Variants in ZNF782 observed in about 807,000 individuals in gnomAD.
The protein encoded by ZNF782 is zinc finger protein 782.
Under a neutral mutation model 13.0 loss-of-function variants are expected in ZNF782, and 12 were observed. That is an observed-to-expected ratio of 0.92 (90% CI 0.59 to 1.50). The LOEUF (loss-of-function observed/expected upper bound fraction) is 1.50, where lower values mean the gene tolerates loss of function less well. Ranked by LOEUF, ZNF782 falls within the 40% of genes most tolerant of loss-of-function variation. The pLI is 0.00. For missense variants in ZNF782, 770 were observed against 822.9 expected, an observed-to-expected ratio of 0.94 and a Z score of 0.79; for synonymous variants, 284 against 283.0, an observed-to-expected ratio of 1.00 and a Z score of -0.04.
At chr9:96,908,382 T>C in the ZNF782 span, among the ~76,000 whole-genome samples, 1 of 152,264 alleles carries the variant, frequency 6.6e-6, no homozygotes, top group African/African-American at 2.4e-5. Flanking sequence ...ACTCAGTAAA[T>C]TTTTGACAAA....
the ZNF782 span, chr9:96,890,631 T>G: frequency 6.6e-6 from 1 of 152,244 alleles, no homozygotes; most frequent in Admixed American, 6.5e-5. Flanking sequence ...CTAGATTATT[T>G]GCCACTAGAA....
chr9:96,884,735 C>T, the ZNF782 span, among the ~76,000 whole-genome samples: 1 of 152,128 alleles, frequency 6.6e-6, no homozygotes, highest in Admixed American at 6.5e-5. Flanking sequence ...GAGTCAGTGC[C>T]CCATTTTTAC....
intron 4 of ZNF782, among the ~76,000 whole-genome samples, chr9:96,843,117 A>G (rs1851237924): frequency 6.6e-6 from 1 of 152,140 alleles, no homozygotes; most frequent in Non-Finnish European, 1.5e-5. Flanking sequence ...ATGGTACAGC[A>G]ACTCTGGGAA....
At chr9:96,860,007 A>ACGT (rs1302787081) in intron 3 of ZNF782, among the ~76,000 whole-genome samples, 2 of 152,124 alleles carry the variant, frequency 1.3e-5, no homozygotes, top group East Asian at 1.9e-4. Context: ...GACTGTGATG[A>ACGT]CGTCGTAGGT....
At chr9:96,852,154 G>A in intron 2 of ZNF782, 149 bp from the exon 3 acceptor site, 3 of 597,028 alleles carry the variant, frequency 5.0e-6, no homozygotes, top group South Asian at 2.1e-5. Context: ...GAAGCACCAC[G>A]TAGAGGTGGC....
the ZNF782 span, chr9:96,892,291 G>A: frequency 6.6e-6 from 1 of 152,188 alleles, no homozygotes; most frequent in Non-Finnish European, 1.5e-5. Context: ...TGCATCAACA[G>A]ATGAATGGAT....
chr9:96,849,792 A>C lies in ZNF782; in HGVS notation c.15+2155T>G, dbSNP rs1057173191. 2.0e-5 allele frequency among the ~76,000 whole-genome samples: 3 copies of C among 152,222 alleles called. No homozygotes were observed. In the South Asian group the frequency reaches 6.2e-4, roughly 32 times the overall value. On this transcript the variant is annotated intron_variant, in intron 3 of 5. Transcript: ENST00000481138. ...TCTGACAAAGTATCCAGAATTTACA[A>C]GGAACTCAAATAAACCAGCAAGAAA...
chr9:96,920,731 T>G, the ZNF782 span, among the ~76,000 whole-genome samples: 2 of 148,254 alleles, frequency 1.3e-5, no homozygotes, highest in African/African-American at 2.5e-5. Context: ...CTGACCAACA[T>G]GATGAAACCC....
the ZNF782 span, among the ~76,000 whole-genome samples, chr9:96,920,268 CTT>C: frequency 3.5e-4 from 46 of 132,786 alleles, no homozygotes; most frequent in Non-Finnish European, 3.6e-4. Context: ...ACACCAAAAC[CTT>C]TTTTTTTTTT....
chr9:96,896,400 TGACTGGAAGCAGTAAGA>T, the ZNF782 span, among the ~76,000 whole-genome samples: 1 of 152,196 alleles, frequency 6.6e-6, no homozygotes, highest in Non-Finnish European at 1.5e-5. Flanking sequence ...GACATAATGC[TGACTGGAAGCAGTAAGA>T]AGTAGCAACT....
chr9:96,857,612 T>A (rs1851659567), upstream of ZNF782, among the ~76,000 whole-genome samples: 1 of 152,228 alleles, frequency 6.6e-6, no homozygotes, highest in South Asian at 2.1e-4. Flanking sequence ...TGTCACCCAT[T>A]TATCTTGCTG....
chr9:96,888,231 C>T, the ZNF782 span: 1 of 150,148 alleles, frequency 6.7e-6, no homozygotes, highest in East Asian at 1.9e-4. Context: ...CAAATATTAA[C>T]TTAAAAGTAG....
In ZNF782 at chr9:96,818,048, A is replaced by G; in HGVS notation, c.1975T>C (p.Ser659Pro). ...NQCGEAFSQKSNLRVHQRTHT... is the reference protein window; with the variant it reads ...NQCGEAFSQKPNLRVHQRTHT... The stretch of plus-strand genomic sequence containing the variant: ...GTTCTCTGATGTACTCTGAGATTGG[A>G]TTTCTGACTGAAAGCTTCCCCACAC... The change falls in exon 6 of 6, where the codon TCC becomes CCC. Residue 659 changes from serine to proline, a missense_variant. Ser to Pro is a moderately conservative substitution (Grantham distance 74, BLOSUM62 -1). Coordinates refer to ENST00000481138, the MANE Select transcript of ZNF782 (RefSeq NM_001001662.3). 6.2e-7 allele frequency: 1 copy of G among 1,614,002 alleles called. No individual in the cohort carries two copies. Among genetic ancestry groups the G allele is most frequent in the Non-Finnish European group, 8.5e-7 (1 of 1,179,988 alleles).
chr9:96,823,183 C>A (rs1176742207), intron 5 of ZNF782, among the ~76,000 whole-genome samples: 2 of 152,178 alleles, frequency 1.3e-5, no homozygotes, highest in African/African-American at 4.8e-5. Flanking sequence ...AATTCTACCT[C>A]GTAGCATGAG....
chr9:96,889,087 GT>G, the ZNF782 span: 1 of 152,206 alleles, frequency 6.6e-6, no homozygotes, highest in Non-Finnish European at 1.5e-5. Context: ...TGGTCAGTCT[GT>G]TTGACGCAAA....
At chr9:96,848,453 AT>A (rs1249617886) in intron 3 of ZNF782, among the ~76,000 whole-genome samples, 1 of 152,244 alleles carries the variant, frequency 6.6e-6, no homozygotes, top group Non-Finnish European at 1.5e-5. Flanking sequence ...TGATAAATGA[AT>A]TCAGTAAAGT....
At chr9:96,885,900 G>A in the ZNF782 span, among the ~76,000 whole-genome samples, 1 of 151,616 alleles carries the variant, frequency 6.6e-6, no homozygotes, top group Non-Finnish European at 1.5e-5. Context: ...TAGTCTGGAG[G>A]GCACTGGTGC....
At position 96,818,897 on chromosome 9, in the gene ZNF782, A is replaced by G. The variant is rs138266308; in HGVS notation, c.1126T>C (p.Ser376Pro). The G allele has an allele frequency of 9.9e-5, 160 of 1,614,132 alleles. No homozygotes were observed. The African/African-American group carries it at 2.0e-3, about 21-fold the overall frequency. The change falls in exon 6 of 6, where the codon TCT (serine) becomes CCT (proline). Residue 376 changes from serine to proline, a missense_variant. By Grantham distance (74) the Ser-to-Pro change is moderately conservative. Coordinates refer to ENST00000481138, the MANE Select transcript of ZNF782 (RefSeq NM_001001662.3). ...YEYNECGKSC[S>P]MNSHLIWPQK... Reference sequence around the variant, plus strand: ...GGCCAAATCAAGTGTGAATTCATAGAGCAGGATTTCCCACATTCATTATAC... The same window carrying G: ...GGCCAAATCAAGTGTGAATTCATAGGGCAGGATTTCCCACATTCATTATAC...
the ZNF782 span, among the ~76,000 whole-genome samples, chr9:96,882,760 T>C: frequency 6.6e-6 from 1 of 152,234 alleles, no homozygotes; most frequent in Non-Finnish European, 1.5e-5. Context: ...TTGTAAAATG[T>C]CAATGCCATT....
Sources: gnomAD v4.1 joint callset for allele counts (sites outside exome capture counted in the v4.1 genomes callset) on GRCh38, gnomAD v4.1.1 for gene constraint, MANE v1.5 for transcripts, NCBI Gene and HGNC (gene_info 2026-07-23, HGNC 2026-07-21) for gene names.